IGFBP2: variants seen among roughly 807,000 people sequenced by gnomAD.
The protein encoded by IGFBP2 is insulin like growth factor binding protein 2.
IGFBP2 carries 12 observed loss-of-function variants against 26.2 expected under a neutral mutation model. The ratio of observed to expected loss-of-function variants is 0.46; its 90% CI spans 0.29 to 0.74. IGFBP2 has a LOEUF of 0.74. Ranked by LOEUF, IGFBP2 falls within the 30% of genes least tolerant of loss-of-function variation. The probability of loss-of-function intolerance (pLI) is 0.09; values close to 1 mark genes in which losing one functional copy is unlikely to be tolerated. For missense variants in IGFBP2, 328 were observed against 441.2 expected, an observed-to-expected ratio of 0.74 and a Z score of 2.30; for synonymous variants, 189 against 200.6, an observed-to-expected ratio of 0.94 and a Z score of 0.49.
intron 1 of IGFBP2, among the ~76,000 whole-genome samples, chr2:216,637,910 C>T (rs990518138): frequency 1.3e-5 from 2 of 152,214 alleles, no homozygotes; most frequent in Admixed American, 1.3e-4. Flanking sequence ...GCCATGGGGC[C>T]GGTCGCATTG....
chr2:216,659,499 C>G lies in IGFBP2; in HGVS notation c.443-1058C>G, dbSNP rs577008331. On this transcript the variant is annotated intron_variant, in intron 1 of 3. Transcript: ENST00000233809. ...TCTCCAAGGGGTTGGGGCTGGGGCTCGGCGGTGTGAGGCCCTGCCCTTCTG... is the reference window on the plus strand; with the variant it reads ...TCTCCAAGGGGTTGGGGCTGGGGCTGGGCGGTGTGAGGCCCTGCCCTTCTG... 5.3e-6 allele frequency: 3 copies of G among 571,232 alleles called. No homozygotes were observed. In the South Asian group the frequency reaches 5.8e-5, roughly 11 times the overall value. The allele number at this position is 571,232 out of a possible 1,614,324, so 35.4% of individuals were successfully genotyped here. A position where few individuals can be genotyped will look rare whatever the true frequency, so the allele number is the denominator to read the frequency against.
At chr2:216,641,774 C>T (rs923654569) in intron 1 of IGFBP2, among the ~76,000 whole-genome samples, 1 of 150,888 alleles carries the variant, frequency 6.6e-6, no homozygotes, top group Non-Finnish European at 1.5e-5. Context: ...ACTGCAAGCT[C>T]CACCTCCTGG....
At position 216,646,408 on chromosome 2, in the gene IGFBP2, A is replaced by C. The variant is rs375020563; in HGVS notation, c.442+12443A>C. 5.9e-5 allele frequency among the ~76,000 whole-genome samples: 9 copies of C among 152,280 alleles called. No individual in the cohort carries two copies. The East Asian group carries it at 1.7e-3, about 29-fold the overall frequency. On this transcript the variant is annotated intron_variant, in intron 1 of 3. Transcript: ENST00000233809. Reference sequence around the variant, plus strand: ...GCTCACTGCCTTTCTTGACTTGCTCACTGCCTTTCTTGACTCTTAACCACT... The same window carrying C: ...GCTCACTGCCTTTCTTGACTTGCTCCCTGCCTTTCTTGACTCTTAACCACT...
chr2:216,645,937 G>T (rs1282817494), intron 1 of IGFBP2, among the ~76,000 whole-genome samples: 2 of 152,200 alleles, frequency 1.3e-5, no homozygotes, highest in African/African-American at 2.4e-5. Context: ...TCTGCTGGTT[G>T]TCTCTGGTTT....
At chr2:216,636,038 G>T (rs923821026) in intron 1 of IGFBP2, among the ~76,000 whole-genome samples, 2 of 152,066 alleles carry the variant, frequency 1.3e-5, no homozygotes, top group African/African-American at 2.4e-5. Flanking sequence ...CGGGCTGGGG[G>T]AGGGGAGCAC....
At chr2:216,638,539 G>T (rs1697547446) in intron 1 of IGFBP2, among the ~76,000 whole-genome samples, 1 of 151,922 alleles carries the variant, frequency 6.6e-6, no homozygotes, top group Non-Finnish European at 1.5e-5. Context: ...AAAATAAAAA[G>T]CCATGGGTTA....
intron 1 of IGFBP2, among the ~76,000 whole-genome samples, chr2:216,636,369 C>T (rs1281137814): frequency 6.6e-6 from 1 of 151,980 alleles, no homozygotes; most frequent in African/African-American, 2.4e-5. Flanking sequence ...TCAGCAGTTC[C>T]GGCTTTGCTG....
chr2:216,644,471 G>A (rs536393692), intron 1 of IGFBP2, among the ~76,000 whole-genome samples: 2 of 152,252 alleles, frequency 1.3e-5, no homozygotes, highest in Admixed American at 1.3e-4. Context: ...AGGGAAGAGG[G>A]GGACTGAGTC....
intron 1 of IGFBP2, among the ~76,000 whole-genome samples, chr2:216,648,219 T>A (rs1457706598): frequency 1.3e-5 from 2 of 152,210 alleles, no homozygotes; most frequent in African/African-American, 4.8e-5. Context: ...TCCTGGCCCT[T>A]GGACACCTCC....
At chr2:216,652,842 A>G (rs1697854533) in intron 1 of IGFBP2, among the ~76,000 whole-genome samples, 1 of 152,156 alleles carries the variant, frequency 6.6e-6, no homozygotes, top group African/African-American at 2.4e-5. Context: ...ACTCAGAATT[A>G]ACTCTTGAAA....
chr2:216,644,695 C>G (rs1030811684), intron 1 of IGFBP2, among the ~76,000 whole-genome samples: 8 of 152,172 alleles, frequency 5.3e-5, no homozygotes, highest in Non-Finnish European at 1.0e-4. Flanking sequence ...TAGACATTGC[C>G]TGCTTCTACC....
chr2:216,647,591 C>T (rs1276640994), intron 1 of IGFBP2, among the ~76,000 whole-genome samples: 2 of 152,196 alleles, frequency 1.3e-5, no homozygotes, highest in East Asian at 3.8e-4. Flanking sequence ...GTGATCTCGG[C>T]TTACCGCAAG....
intron 1 of IGFBP2, among the ~76,000 whole-genome samples, chr2:216,636,999 G>T (rs2106187392): frequency 6.6e-6 from 1 of 152,164 alleles, no homozygotes; most frequent in African/African-American, 2.4e-5. Flanking sequence ...ATAAAGGGGG[G>T]AAGAGGCAAG....
At chr2:216,655,898 AAAAC>A (rs1199792006) in intron 1 of IGFBP2, among the ~76,000 whole-genome samples, 1 of 150,726 alleles carries the variant, frequency 6.6e-6, no homozygotes, top group African/African-American at 2.5e-5. Flanking sequence ...CTGTCTCAAA[AAAAC>A]AAAAAAAAAA....
chr2:216,655,864 C>T (rs1009391803), intron 1 of IGFBP2, among the ~76,000 whole-genome samples: 3 of 150,474 alleles, frequency 2.0e-5, no homozygotes, highest in East Asian at 1.9e-4. Context: ...CACTGTACTC[C>T]AGCCTGGGTG....
At chr2:216,655,907 A>AC (rs1697913042) in intron 1 of IGFBP2, among the ~76,000 whole-genome samples, 1 of 152,062 alleles carries the variant, frequency 6.6e-6, no homozygotes. Flanking sequence ...AAAAACAAAA[A>AC]AAAAAAATCA....
intron 1 of IGFBP2, among the ~76,000 whole-genome samples, chr2:216,651,617 T>C (rs1285874156): frequency 6.6e-6 from 1 of 152,258 alleles, no homozygotes; most frequent in African/African-American, 2.4e-5. Flanking sequence ...AGAAGAAATA[T>C]GCAATAGATC....
intron 2 of IGFBP2, 42 bp from the exon 3 acceptor site, chr2:216,661,816 G>C: frequency 6.2e-7 from 1 of 1,612,578 alleles, no homozygotes; most frequent in South Asian, 1.1e-5. Flanking sequence ...TCGTGGGCCT[G>C]CTGTCCTCAC....
intron 1 of IGFBP2, chr2:216,659,608 G>A: frequency 1.2e-6 from 1 of 852,386 alleles, no homozygotes; most frequent in Non-Finnish European, 1.9e-6. Context: ...ACGTGCCTCA[G>A]CCAGAGTGAG....
Sources: gnomAD v4.1 joint callset for allele counts (sites outside exome capture counted in the v4.1 genomes callset) on GRCh38, gnomAD v4.1.1 for gene constraint, MANE v1.5 for transcripts, NCBI Gene and HGNC (gene_info 2026-07-23, HGNC 2026-07-21) for gene names.